Variants in CHN2 observed in about 807,000 individuals in gnomAD.
CHN2 encodes the protein chimerin 2, also known as beta-chimaerin.
A neutral mutation model predicts 56.3 loss-of-function variants in CHN2; 35 were observed. The observed-to-expected ratio is 0.62, with a 90% CI of 0.47 to 0.82. CHN2 has a LOEUF of 0.82. CHN2 is among the 40% of genes least tolerant of loss of function. The probability of loss-of-function intolerance (pLI) is 0.00; values close to 1 mark genes in which losing one functional copy is unlikely to be tolerated. For synonymous variants in CHN2, 210 were observed against 212.8 expected (o/e 0.99, Z 0.12); for missense variants, 491 against 580.5 (o/e 0.85, Z 1.58).
chr7:29,458,417 ACC>A (rs1336624389), intron 6 of CHN2, among the ~76,000 whole-genome samples: 4 of 138,784 alleles, frequency 2.9e-5, no homozygotes, highest in East Asian at 4.2e-4. Flanking sequence ...ACACACACAC[ACC>A]CCATGCATTA....
chr7:29,463,680 T>G (rs1585485061), intron 6 of CHN2, among the ~76,000 whole-genome samples: 1 of 152,190 alleles, frequency 6.6e-6, no homozygotes, highest in African/African-American at 2.4e-5. Flanking sequence ...CTTGGGACTT[T>G]AGACTCTCTG....
chr7:29,241,772 A>G (rs1223914168), intron 1 of CHN2, among the ~76,000 whole-genome samples: 1 of 152,088 alleles, frequency 6.6e-6, no homozygotes, highest in Non-Finnish European at 1.5e-5. Context: ...ACAGTTTCCC[A>G]TCTGCTAGAT....
intron 2 of CHN2, among the ~76,000 whole-genome samples, chr7:29,172,794 G>A (rs1191112291): frequency 6.6e-6 from 1 of 151,560 alleles, no homozygotes; most frequent in Non-Finnish European, 1.5e-5. Flanking sequence ...TTCAACTTCT[G>A]TTTCCAGCTG....
At chr7:29,361,718 CATAGG>C (rs1301027593) in intron 2 of CHN2, among the ~76,000 whole-genome samples, 1 of 152,192 alleles carries the variant, frequency 6.6e-6, no homozygotes, top group Non-Finnish European at 1.5e-5. Context: ...AGCCTGTTGA[CATAGG>C]AGAGGAACTG....
intron 3 of CHN2, among the ~76,000 whole-genome samples, chr7:29,369,612 G>T (rs1359253244): frequency 6.6e-6 from 1 of 152,148 alleles, no homozygotes; most frequent in Non-Finnish European, 1.5e-5. Flanking sequence ...GAGAGATAGA[G>T]AGAAAAAACC....
At position 29,504,815 on chromosome 7, in the gene CHN2, G is replaced by C; in HGVS notation, c.985G>C (p.Asp329His). Residue 329 changes from aspartate to histidine, a missense_variant, in exon 10 of 13, where the codon GAC becomes CAC. Coordinates refer to ENST00000222792, the MANE Select transcript of CHN2 (RefSeq NM_004067.4). ...EHIEDVKMAF[D>H]RDGEKADISA... ...CATTGAAGATGTCAAAATGGCATTTGACAGAGGTAAGCTTGTACTTTCTTG... is the reference window on the plus strand; with the variant it reads ...CATTGAAGATGTCAAAATGGCATTTCACAGAGGTAAGCTTGTACTTTCTTG... 1 of 1,611,668 alleles carries C rather than the reference G, an allele frequency of 6.2e-7. No homozygotes were observed. The highest frequency in any genetic ancestry group is 8.5e-7 in the Non-Finnish European group (1 of 1,178,216).
intron 1 of CHN2, among the ~76,000 whole-genome samples, chr7:29,340,089 T>C (rs1443521058): frequency 6.6e-6 from 1 of 151,938 alleles, no homozygotes; most frequent in East Asian, 1.9e-4. Flanking sequence ...TGATGTGCTG[T>C]GGGAAAAAAT....
intron 7 of CHN2, among the ~76,000 whole-genome samples, chr7:29,492,100 C>A (rs879473926): frequency 1.4e-4 from 22 of 152,186 alleles, no homozygotes; most frequent in Non-Finnish European, 2.9e-5. Context: ...CTGAAAATAT[C>A]TTTATTTCAC....
chr7:29,201,814 A>T (rs1784187182), intron 1 of CHN2, among the ~76,000 whole-genome samples: 1 of 152,184 alleles, frequency 6.6e-6, no homozygotes, highest in Non-Finnish European at 1.5e-5. Context: ...AAAAAGAGAA[A>T]ATCTGATCCA....
Position 29,146,608 on chromosome 7 carries a change from AGTGCGTC to A in CHN2, c.28_34del (p.Ala10ArgfsTer31), listed in dbSNP as rs1175152959. 1.3e-6 allele frequency: 2 copies of A among 1,550,454 alleles called. No individual in the cohort carries two copies. Among genetic ancestry groups the A allele is most frequent in the Non-Finnish European group, 1.7e-6 (2 of 1,146,982 alleles). ...CATGACCCAGACCCACAGGGCAAAA[AGTGCGTC>A]GTCGTGTCCCAACCTCCTGGTCCCA... On this transcript the variant is annotated frameshift_variant, in exon 1 of 7. Transcript: ENST00000439384. LOFTEE classifies it high-confidence loss of function.
At chr7:29,200,454 GCCCCTTCCCCCCTCC>G (rs980090318) in intron 1 of CHN2, among the ~76,000 whole-genome samples, 10 of 72,634 alleles carry the variant, frequency 1.4e-4, no homozygotes, top group Non-Finnish European at 2.4e-4. Context: ...CCCTCCCTTC[GCCCCTTCCCCCCTCC>G]CCCCTTCCCC....
At chr7:29,440,690 A>T (rs796679358) in intron 6 of CHN2, among the ~76,000 whole-genome samples, 6,183 of 128,004 alleles carry the variant, frequency 0.048, 224 homozygotes, top group African/African-American at 0.16. Flanking sequence ...GTCTCAAAAA[A>T]AAAAAAAAAA....
chr7:29,453,549 C>A (rs530921231), intron 6 of CHN2, among the ~76,000 whole-genome samples: 12 of 152,126 alleles, frequency 7.9e-5, no homozygotes, highest in Non-Finnish European at 1.5e-4. Flanking sequence ...GACGCCCCCC[C>A]ACGCCATAGC....
chr7:29,155,052 G>A (rs1372074881), intron 2 of CHN2, among the ~76,000 whole-genome samples: 5 of 152,094 alleles, frequency 3.3e-5, no homozygotes, highest in South Asian at 4.1e-4. Context: ...ATCAGATCTC[G>A]TGAGACTTAT....
intron 1 of CHN2, among the ~76,000 whole-genome samples, chr7:29,294,529 G>A (rs556709153): frequency 2.6e-5 from 4 of 152,256 alleles, no homozygotes; most frequent in African/African-American, 9.6e-5. Flanking sequence ...ACCGCAAGAA[G>A]ATACCATTTT....
chr7:29,406,399 T>C (rs889895581), intron 6 of CHN2, among the ~76,000 whole-genome samples: 11 of 152,120 alleles, frequency 7.2e-5, no homozygotes, highest in African/African-American at 2.7e-4. Flanking sequence ...CTGTCCCCTC[T>C]TGGTTGAGGG....
chr7:29,424,281 G>C (rs926583440), intron 6 of CHN2, among the ~76,000 whole-genome samples: 24 of 152,086 alleles, frequency 1.6e-4, no homozygotes, highest in Admixed American at 2.0e-4. Flanking sequence ...TCCATTTATG[G>C]GTTTGTTCAA....
chr7:29,283,146 T>C (rs1791855934), intron 1 of CHN2, among the ~76,000 whole-genome samples: 1 of 152,184 alleles, frequency 6.6e-6, no homozygotes, highest in Non-Finnish European at 1.5e-5. Context: ...GTCCTGGGAA[T>C]ACCGTGTATT....
chr7:29,475,460 G>A (rs1786509488), intron 6 of CHN2, among the ~76,000 whole-genome samples: 1 of 152,228 alleles, frequency 6.6e-6, no homozygotes, highest in African/African-American at 2.4e-5. Flanking sequence ...ATTTTTTAAT[G>A]TAAGTATTAT....
Sources: gnomAD v4.1 joint callset for allele counts (sites outside exome capture counted in the v4.1 genomes callset) on GRCh38, gnomAD v4.1.1 for gene constraint, MANE v1.5 for transcripts, NCBI Gene and HGNC (gene_info 2026-07-23, HGNC 2026-07-21) for gene names.